LIMCH1: variants seen among roughly 807,000 people sequenced by gnomAD.
LIMCH1 encodes LIM and calponin homology domains 1, also known as LIM and calponin homology domains-containing protein 1.
A neutral mutation model predicts 176.5 loss-of-function variants in LIMCH1; 113 were observed. The observed-to-expected ratio is 0.64, with a 90% CI of 0.55 to 0.75. LIMCH1 has a LOEUF of 0.75. Among genes scored for constraint, LIMCH1 ranks in the 30% least tolerant of loss-of-function variants. LIMCH1 has a pLI of 0.00. For synonymous variants in LIMCH1, 619 were observed against 645.9 expected (o/e 0.96, Z 0.63); for missense variants, 1,674 against 1,814.9 (o/e 0.92, Z 1.41).
At chr4:41,408,380 A>T (rs1561274369) in intron 1 of LIMCH1, among the ~76,000 whole-genome samples, 1 of 152,164 alleles carries the variant, frequency 6.6e-6, no homozygotes, top group Non-Finnish European at 1.5e-5. Flanking sequence ...CTCTGACTTT[A>T]TGCAAATATA....
Position 41,545,237 on chromosome 4 carries a change from C to T in LIMCH1, c.-241+6887C>T, listed in dbSNP as rs190928182. Among the ~76,000 whole-genome samples the T allele has an allele frequency of 2.0e-5, 3 of 152,254 alleles. No individual in the cohort carries two copies. In the East Asian group the frequency reaches 5.8e-4, roughly 29 times the overall value. On this transcript the variant is annotated intron_variant, in intron 1 of 31. Transcript: ENST00000503057. Reference sequence around the variant, plus strand: ...CACCTGAAAATTTTCCCAGATTTGCCATTTCTAGATTTTTAGCAGCTTCAC... The same window carrying T: ...CACCTGAAAATTTTCCCAGATTTGCTATTTCTAGATTTTTAGCAGCTTCAC...
At chr4:41,424,142 TC>T (rs60390103) in intron 1 of LIMCH1, among the ~76,000 whole-genome samples, 8,679 of 152,116 alleles carry the variant, frequency 0.057, 273 homozygotes, top group Middle Eastern at 0.1. Flanking sequence ...GACGTAGGGC[TC>T]CCTCTTTCCC....
chr4:41,480,410 C>A (rs530059855), intron 1 of LIMCH1, among the ~76,000 whole-genome samples: 8 of 152,216 alleles, frequency 5.3e-5, no homozygotes, highest in African/African-American at 1.7e-4. Context: ...AGATCGAGAC[C>A]ACCCTGGCCA....
rs577870394 is a variant in LIMCH1 at position 41,640,558 on chromosome 4, G to A, written c.2126+1591G>A. ...CCAGGGACCAAGAAGAGTAAAAGGA[G>A]CTTTTTTTCCAGAGCTCTTATCTAG... On this transcript the variant is annotated intron_variant, in intron 14 of 31. Transcript: ENST00000503057. Among the ~76,000 whole-genome samples, 6 of 152,242 alleles carry A rather than the reference G, an allele frequency of 3.9e-5. No homozygotes were observed. The East Asian group carries it at 1.2e-3, about 29-fold the overall frequency.
At chr4:41,531,315 A>C (rs1255467783) in intron 3 of LIMCH1, among the ~76,000 whole-genome samples, 2 of 152,140 alleles carry the variant, frequency 1.3e-5, no homozygotes, top group African/African-American at 4.8e-5. Flanking sequence ...GCCACTATCA[A>C]ATCAGGCTTC....
intron 2 of LIMCH1, among the ~76,000 whole-genome samples, chr4:41,509,998 T>C (rs556768242): frequency 6.6e-6 from 1 of 152,368 alleles, no homozygotes; most frequent in East Asian, 1.9e-4. Flanking sequence ...TTAAAAATTA[T>C]ACGATCCTTG....
chr4:41,572,801 T>C (rs948741449), intron 1 of LIMCH1, among the ~76,000 whole-genome samples: 35 of 152,152 alleles, frequency 2.3e-4, no homozygotes, highest in African/African-American at 8.4e-4. Context: ...TTAAGAACTT[T>C]CTAGACATAA....
At chr4:41,679,974 G>A (rs371866897) in intron 23 of LIMCH1, 32 bp from the exon 24 acceptor site, 1 of 1,502,048 alleles carries the variant, frequency 6.7e-7, no homozygotes, top group African/African-American at 1.4e-5. Context: ...GCAATGGTCA[G>A]TTGAGAACAA....
At chr4:41,509,997 A>T (rs543213720) in intron 2 of LIMCH1, among the ~76,000 whole-genome samples, 1 of 152,348 alleles carries the variant, frequency 6.6e-6, no homozygotes, top group South Asian at 2.1e-4. Context: ...ATTAAAAATT[A>T]TACGATCCTT....
chr4:41,398,856 C>T (rs17628224), intron 1 of LIMCH1, among the ~76,000 whole-genome samples: 2,753 of 152,276 alleles, frequency 0.018, 82 homozygotes, highest in East Asian at 0.12. Flanking sequence ...ATACCCATCT[C>T]GCTTGCTCCC....
chr4:41,473,759 T>C (rs2067327964), intron 1 of LIMCH1, among the ~76,000 whole-genome samples: 1 of 152,162 alleles, frequency 6.6e-6, no homozygotes. Flanking sequence ...GTTAACAGTA[T>C]AAAAAGACAG....
chr4:41,608,061 C>A (rs570390181), intron 4 of LIMCH1, among the ~76,000 whole-genome samples: 5 of 152,282 alleles, frequency 3.3e-5, no homozygotes, highest in East Asian at 1.9e-4. Context: ...ATAAATGAGA[C>A]GTGGACATGA....
chr4:41,503,941 T>G (rs2073815156), intron 2 of LIMCH1, among the ~76,000 whole-genome samples: 1 of 152,208 alleles, frequency 6.6e-6, no homozygotes, highest in Admixed American at 6.5e-5. Context: ...CCAACTCTTC[T>G]GCCTCCGAGC....
At chr4:41,670,593 A>C in intron 21 of LIMCH1, 1 of 603,914 alleles carries the variant, frequency 1.7e-6, no homozygotes, top group East Asian at 2.9e-5. Flanking sequence ...CTGTAGATTT[A>C]CTGACTCTCA....
intron 1 of LIMCH1, among the ~76,000 whole-genome samples, chr4:41,433,347 A>G (rs1386915205): frequency 2.0e-5 from 3 of 152,028 alleles, no homozygotes; most frequent in African/African-American, 7.3e-5. Flanking sequence ...TATTTTTCTG[A>G]TTGCTTTAAT....
intron 1 of LIMCH1, among the ~76,000 whole-genome samples, chr4:41,438,631 G>A (rs1370135266): frequency 3.9e-5 from 6 of 152,118 alleles, no homozygotes; most frequent in Admixed American, 6.5e-5. Context: ...GAGCCACTGC[G>A]CCTGGCTGGC....
chr4:41,395,325 C>G (rs559036235), intron 1 of LIMCH1, among the ~76,000 whole-genome samples: 1 of 151,352 alleles, frequency 6.6e-6, no homozygotes, highest in Non-Finnish European at 1.5e-5. Flanking sequence ...CTCCACCTCC[C>G]GGGTTCAAGC....
At chr4:41,556,264 G>A (rs148068110) in intron 1 of LIMCH1, among the ~76,000 whole-genome samples, 974 of 152,032 alleles carry the variant, frequency 6.4e-3, no homozygotes, top group South Asian at 0.025. Context: ...GCATGGTGGT[G>A]CACATCTGTA....
chr4:41,573,458 A>G (rs886480323), intron 1 of LIMCH1, among the ~76,000 whole-genome samples: 3 of 152,212 alleles, frequency 2.0e-5, no homozygotes, highest in African/African-American at 7.2e-5. Context: ...TATGTAAATG[A>G]CATGGTTGAG....
Sources: allele counts gnomAD v4.1 joint callset (sites outside exome capture counted in the v4.1 genomes callset), GRCh38; gene constraint gnomAD v4.1.1; transcripts MANE v1.5; gene names NCBI Gene and HGNC (gene_info 2026-07-23, HGNC 2026-07-21).